The following LRRC66 variants were observed in gnomAD, a reference collection of about 807,000 sequenced individuals.
LRRC66 encodes leucine rich repeat containing 66.
Under a neutral mutation model 24.6 loss-of-function variants are expected in LRRC66, and 29 were observed. The ratio of observed to expected loss-of-function variants is 1.18; its 90% CI spans 0.88 to 1.61. LRRC66 has a LOEUF of 1.61. LRRC66 is among the 40% of genes most tolerant of loss of function. The pLI is 0.00. For missense variants in LRRC66, 1,124 were observed against 1,058.0 expected (o/e 1.06, Z -0.87); for synonymous variants, 411 against 397.6 (o/e 1.03, Z -0.40).
At position 51,994,882 on chromosome 4, in the gene LRRC66, T is replaced by A; in HGVS notation, c.2140A>T (p.Ser714Cys). 1 of 1,614,196 alleles carries A rather than the reference T, an allele frequency of 6.2e-7. No homozygotes were observed. The highest frequency in any genetic ancestry group is 8.5e-7 in the Non-Finnish European group (1 of 1,180,044). ...DSDEGSLFTL[S>C]SISSESARSK... The stretch of plus-strand genomic sequence containing the variant: ...CTTGCACTCTCTGAACTTATGGAGC[T>A]CAGAGTGAACAGAGACCCCTCATCA... The change falls in exon 5 of 5, where the codon AGC becomes TGC. Residue 714 changes from serine (S) to cysteine (C), a missense_variant. By Grantham distance (112) the Ser-to-Cys change is moderately radical (BLOSUM62 -1). Coordinates refer to ENST00000682860, the MANE Select transcript of LRRC66 (RefSeq NM_001024611.3).
chr4:52,018,077 C>T, intron 1 of LRRC66: 2 of 985,394 alleles, frequency 2.0e-6, no homozygotes, highest in Non-Finnish European at 1.2e-6. Context: ...TAAACCGTGA[C>T]CCTCCATAAC....
chr4:52,004,866 C>T (rs749132807), intron 2 of LRRC66, among the ~76,000 whole-genome samples: 10 of 152,258 alleles, frequency 6.6e-5, no homozygotes, highest in Admixed American at 3.9e-4. Context: ...GCAAGGCAGT[C>T]GGTGCTGAGG....
intron 4 of LRRC66, among the ~76,000 whole-genome samples, chr4:51,997,509 A>G (rs532900379): frequency 6.6e-6 from 1 of 152,186 alleles, no homozygotes; most frequent in Non-Finnish European, 1.5e-5. Flanking sequence ...ACCAAATCCA[A>G]TTGATGCTGA....
At chr4:52,005,001 TA>T (rs1000770131) in intron 2 of LRRC66, among the ~76,000 whole-genome samples, 2 of 152,206 alleles carry the variant, frequency 1.3e-5, no homozygotes, top group African/African-American at 4.8e-5. Flanking sequence ...CATCCAACCA[TA>T]AAATTAAGTT....
At chr4:51,996,283 C>CTGGGTGTGCCTGGA in intron 4 of LRRC66, 118 bp from the exon 5 acceptor site, 2 of 983,860 alleles carry the variant, frequency 2.0e-6, no homozygotes, top group Non-Finnish European at 2.9e-6. Context: ...GAATTCCAGG[C>CTGGGTGTGCCTGGA]ACACCCAGCC....
At chr4:52,000,472 C>A (rs944538677) in intron 3 of LRRC66, among the ~76,000 whole-genome samples, 1 of 152,190 alleles carries the variant, frequency 6.6e-6, no homozygotes, top group Non-Finnish European at 1.5e-5. Context: ...CCCTTGAGTA[C>A]TCTCCTTCCC....
chr4:52,005,466 T>C (rs963329970), intron 2 of LRRC66, among the ~76,000 whole-genome samples: 9 of 152,026 alleles, frequency 5.9e-5, no homozygotes, highest in African/African-American at 2.2e-4. Flanking sequence ...AAACCCTGTC[T>C]CTACTAAAAA....
At position 51,994,565 on chromosome 4, in the gene LRRC66, C is replaced by A; in HGVS notation, c.2457G>T (p.Pro819=). 1 of 1,614,130 alleles carries A rather than the reference C, an allele frequency of 6.2e-7. No homozygotes were observed. The highest frequency in any genetic ancestry group is 8.5e-7 in the Non-Finnish European group (1 of 1,180,024). The change falls in exon 5 of 5, where the codon CCG becomes CCT. Residue 819 remains proline, a synonymous_variant. Transcript: ENST00000682860. ...TGTCATAATCATAAGTGAACATGCC[C>A]GGAAACTCATCCCCTAAGGGACTAT... ...PGNSPLGDEF[P]GMFTYDYDTA...
chr4:52,012,274 T>A (rs1736722533), intron 2 of LRRC66, among the ~76,000 whole-genome samples: 1 of 152,152 alleles, frequency 6.6e-6, no homozygotes, highest in Non-Finnish European at 1.5e-5. Context: ...TGATTTTGAA[T>A]GCAGTTATTA....
chr4:51,994,780 TCA>T lies in LRRC66; in HGVS notation c.2240_2241del (p.Val747AspfsTer7). On this transcript the variant is annotated frameshift_variant, in exon 5 of 5. Coordinates refer to ENST00000682860, the MANE Select transcript of LRRC66 (RefSeq NM_001024611.3). LOFTEE classifies it low-confidence loss of function (END_TRUNC). ...TTTTCCTCAAGACTGTCTACAGCCG[TCA>T]CATTGTCCTTGCTTGCCCCTGAGCT... is the stretch of plus-strand genomic sequence containing the variant. ...DESSGASKDN[V>X]TAVDSLEENV... 6.2e-7 allele frequency: 1 copy of T among 1,614,214 alleles called. No homozygotes were observed. The highest frequency in any genetic ancestry group is 1.1e-5 in the South Asian group (1 of 91,086).
intron 3 of LRRC66, among the ~76,000 whole-genome samples, chr4:52,000,175 G>C (rs760607049): frequency 1.3e-5 from 2 of 152,070 alleles, no homozygotes; most frequent in Non-Finnish European, 2.9e-5. Flanking sequence ...ATGATTCTGG[G>C]GCAGTTACAG....
intron 1 of LRRC66, chr4:52,018,073 G>A (rs225160): frequency 0.53 from 522,419 of 984,590 alleles, 143,956 homozygotes; most frequent in Non-Finnish European, 0.56. Context: ...ACACTAAACC[G>A]TGACCCTCCA....
chr4:52,003,387 A>C lies in LRRC66; in HGVS notation c.502T>G (p.Trp168Gly), dbSNP rs757505785. ...NKLSDTPKGL[W>G]KLKSLQSLDL... ...AAACTCTGCAATGACTTCAGTTTCCACAGTCCTGTTAAAATGAAAAAGTAA... is the reference window on the plus strand; with the variant it reads ...AAACTCTGCAATGACTTCAGTTTCCCCAGTCCTGTTAAAATGAAAAAGTAA... The change falls in exon 3 of 5, where the codon TGG becomes GGG. Residue 168 changes from tryptophan (W) to glycine (G), a missense_variant. Physicochemically the swap from Trp to Gly is radical, Grantham distance 184 (BLOSUM62 -2). Coordinates refer to ENST00000682860, the MANE Select transcript of LRRC66 (RefSeq NM_001024611.3). The C allele has an allele frequency of 3.1e-6, 5 of 1,612,122 alleles. No individual in the cohort carries two copies. The African/African-American group carries it at 6.7e-5, about 22-fold the overall frequency.
At chr4:52,019,806 A>G (rs1339505007) in intron 1 of LRRC66, among the ~76,000 whole-genome samples, 1 of 152,214 alleles carries the variant, frequency 6.6e-6, no homozygotes, top group Non-Finnish European at 1.5e-5. Context: ...AGAGAAAGAC[A>G]TGGTTGAAAA....
intron 3 of LRRC66, among the ~76,000 whole-genome samples, chr4:51,998,653 G>T (rs1736377500): frequency 6.6e-6 from 1 of 152,200 alleles, no homozygotes; most frequent in Non-Finnish European, 1.5e-5. Context: ...AGTCTGATCA[G>T]AAATGAAGGG....
chr4:52,006,161 G>A (rs1487312960), intron 2 of LRRC66, among the ~76,000 whole-genome samples: 2 of 152,126 alleles, frequency 1.3e-5, no homozygotes, highest in Non-Finnish European at 2.9e-5. Context: ...CAGGGATCTA[G>A]AACTAGAAAT....
In LRRC66 at chr4:52,017,442, T is replaced by C. The variant is rs369864276; in HGVS notation, c.172A>G (p.Ile58Val). 2.7e-5 allele frequency: 44 copies of C among 1,614,008 alleles called. No homozygotes were observed. Among genetic ancestry groups the C allele is most frequent in the Non-Finnish European group, 3.5e-5 (41 of 1,179,984 alleles). Reference sequence around the variant, plus strand: ...TCCACAGTGGCTGCTGTCTGTGATATGTCCACAGGTATATCACACTTTCCG... The same window carrying C: ...TCCACAGTGGCTGCTGTCTGTGATACGTCCACAGGTATATCACACTTTCCG... ...FTGKCDIPVD[I>V]SQTAATVDVS... The change falls in exon 2 of 5, where the codon ATA becomes GTA. Residue 58 changes from isoleucine to valine, a missense_variant. Transcript: ENST00000682860.
intron 4 of LRRC66, among the ~76,000 whole-genome samples, chr4:51,996,819 A>G (rs961382257): frequency 6.6e-6 from 1 of 152,196 alleles, no homozygotes; most frequent in Non-Finnish European, 1.5e-5. Flanking sequence ...AAGCCAGACT[A>G]GAGGGACAGC....
intron 1 of LRRC66, among the ~76,000 whole-genome samples, chr4:52,019,043 A>G (rs1159547268): frequency 2.0e-5 from 3 of 151,940 alleles, no homozygotes; most frequent in Non-Finnish European, 4.4e-5. Context: ...CAACTCACTA[A>G]TTTGTATTTT....
Sources: gnomAD v4.1 joint callset for allele counts (sites outside exome capture counted in the v4.1 genomes callset) on GRCh38, gnomAD v4.1.1 for gene constraint, MANE v1.5 for transcripts, NCBI Gene and HGNC (gene_info 2026-07-23, HGNC 2026-07-21) for gene names.